Variants in CEP83 observed in about 807,000 individuals in gnomAD.
CEP83 encodes the protein centrosomal protein of 83 kDa.
CEP83 carries 70 observed loss-of-function variants against 101.9 expected under a neutral mutation model. The ratio of observed to expected loss-of-function variants is 0.69; its 90% CI spans 0.57 to 0.84. CEP83 has a LOEUF of 0.84. CEP83 is among the 40% of genes least tolerant of loss of function. The pLI, the probability that CEP83 is intolerant of heterozygous loss-of-function variation, is 0.00. For synonymous variants in CEP83, 264 were observed against 267.9 expected (o/e 0.99, Z 0.14); for missense variants, 715 against 787.2 (o/e 0.91, Z 1.10).
intron 1 of CEP83, among the ~76,000 whole-genome samples, chr12:94,455,305 A>T (rs1031596960): frequency 6.6e-6 from 1 of 152,228 alleles, no homozygotes; most frequent in African/African-American, 2.4e-5. Flanking sequence ...GAATATGAAC[A>T]TCAGAGATAG....
At chr12:94,446,414 T>C (rs1270911255) in intron 1 of CEP83, among the ~76,000 whole-genome samples, 1 of 152,140 alleles carries the variant, frequency 6.6e-6, no homozygotes, top group Admixed American at 6.5e-5. Context: ...AACCTATCAA[T>C]AATGTTAAGT....
At chr12:94,373,960 G>T (rs1023127410) in intron 8 of CEP83, among the ~76,000 whole-genome samples, 2 of 152,162 alleles carry the variant, frequency 1.3e-5, no homozygotes, top group South Asian at 2.1e-4. Context: ...ATGAAACTTG[G>T]TTTGTTTAAA....
At chr12:94,266,484 C>T in the CEP83 span, among the ~76,000 whole-genome samples, 2 of 152,352 alleles carry the variant, frequency 1.3e-5, no homozygotes, top group East Asian at 1.9e-4. Context: ...AAACACCAGT[C>T]GCTAGGCAGC....
chr12:94,440,514 C>CAA (rs112658393), intron 1 of CEP83, among the ~76,000 whole-genome samples: 1 of 137,942 alleles, frequency 7.2e-6, no homozygotes, highest in African/African-American at 2.7e-5. Context: ...AGGAAAACTA[C>CAA]AAAAAAAAAA....
In CEP83 at chr12:94,308,824, A is replaced by C. The variant is rs1414227724; in HGVS notation, c.2095T>G (p.Ser699Ala). The C allele has an allele frequency of 6.2e-7, 1 of 1,608,440 alleles. No individual in the cohort carries two copies. Among genetic ancestry groups the C allele is most frequent in the Admixed American group, 1.7e-5 (1 of 59,938 alleles). Residue 699 changes from serine (S) to alanine (A), a missense_variant, in exon 17 of 17, where the codon TCC becomes GCC. Physicochemically the swap from Ser to Ala is moderately conservative, Grantham distance 99. Transcript: ENST00000397809. Reference sequence around the variant, plus strand: ...GTTCTCCAAGAACATCATTCTCCGGAAGATCCAAGTTCCTCTAGTTGTTTT... The same window carrying C: ...GTTCTCCAAGAACATCATTCTCCGGCAGATCCAAGTTCCTCTAGTTGTTTT... ...QRKQLEELGS[S>A]GE
chr12:94,294,618 T>C, the CEP83 span: 1 of 672,912 alleles, frequency 1.5e-6, no homozygotes, highest in Admixed American at 2.5e-5. Flanking sequence ...CTCAGCTGTA[T>C]TGTCACAAAG....
intron 14 of CEP83, 46 bp from the exon 15 acceptor site, chr12:94,313,063 T>C: frequency 2.4e-6 from 2 of 841,456 alleles, no homozygotes; most frequent in Non-Finnish European, 3.8e-6. Context: ...TAATCTCTTA[T>C]TTGAACAAAA....
chr12:94,308,945 A>C, intron 16 of CEP83, 28 bp from the exon 17 acceptor site: 1 of 1,505,122 alleles, frequency 6.6e-7, no homozygotes, highest in Non-Finnish European at 9.2e-7. Flanking sequence ...AAAGCATAGC[A>C]AAAGAAACTA....
At chr12:94,407,494 C>T (rs2063615338) in intron 4 of CEP83, among the ~76,000 whole-genome samples, 1 of 152,170 alleles carries the variant, frequency 6.6e-6, no homozygotes. Flanking sequence ...ATCACAGATG[C>T]CTCTTGGAAA....
At chr12:94,444,567 C>T (rs1027530222) in intron 1 of CEP83, among the ~76,000 whole-genome samples, 1 of 152,050 alleles carries the variant, frequency 6.6e-6, no homozygotes, top group Non-Finnish European at 1.5e-5. Context: ...GTTCAAGAAT[C>T]TTCTTTTATT....
intron 2 of CEP83, among the ~76,000 whole-genome samples, chr12:94,431,323 C>T (rs2065605853): frequency 6.6e-6 from 1 of 152,030 alleles, no homozygotes; most frequent in African/African-American, 2.4e-5. Context: ...AACGTAAGAC[C>T]CAAGACTATA....
intron 11 of CEP83, among the ~76,000 whole-genome samples, chr12:94,354,534 C>A (rs2060353541): frequency 6.6e-6 from 1 of 151,988 alleles, no homozygotes; most frequent in African/African-American, 2.4e-5. Flanking sequence ...ACAGGACAGA[C>A]CATATGTTAG....
rs2061504410 is a variant in CEP83, at chr12:94,375,821, T to C, written c.933+65A>G. On this transcript the variant is annotated intron_variant, in intron 8 of 16. Coordinates refer to ENST00000397809, the MANE Select transcript of CEP83 (RefSeq NM_016122.3). ...GTATAAAGAAATCAATTATTAAAAA[T>C]AAAATTTATCATTATATACTAACAA... The C allele has an allele frequency of 4.5e-6, 4 of 888,932 alleles. No individual in the cohort carries two copies. In the South Asian group the frequency reaches 9.3e-5, roughly 21 times the overall value. The allele number at this position is 888,932 out of a possible 1,614,324, so 55.1% of individuals were successfully genotyped here.
chr12:94,318,289 C>G (rs1164905288), intron 14 of CEP83, among the ~76,000 whole-genome samples: 1 of 152,116 alleles, frequency 6.6e-6, no homozygotes, highest in Non-Finnish European at 1.5e-5. Context: ...CTAAAGTTAT[C>G]AGCTGAAGGA....
intron 11 of CEP83, among the ~76,000 whole-genome samples, chr12:94,362,362 A>G (rs538485079): frequency 2.6e-4 from 39 of 152,306 alleles, no homozygotes; most frequent in African/African-American, 7.7e-4. Flanking sequence ...GCTCACGCTT[A>G]TAATCTCAGT....
At position 94,376,750 on chromosome 12, in the gene CEP83, T is replaced by A. The variant is rs1050049756; in HGVS notation, c.802-733A>T. On this transcript the variant is annotated intron_variant, in intron 7 of 16. Coordinates refer to ENST00000397809, the MANE Select transcript of CEP83 (RefSeq NM_016122.3). ...ACACACACATATATATATATATATT[T>A]TTTTTTTGAGACAAGGTCTTGCTCT... Among the ~76,000 whole-genome samples the A allele has an allele frequency of 1.1e-3, 165 of 145,378 alleles. No homozygotes were observed. In the East Asian group the frequency reaches 0.02, roughly 18 times the overall value.
chr12:94,356,263 CT>C (rs1293607381), intron 11 of CEP83, among the ~76,000 whole-genome samples: 1 of 152,172 alleles, frequency 6.6e-6, no homozygotes, highest in Non-Finnish European at 1.5e-5. Context: ...CATCTTAGAA[CT>C]TTTTCACACT....
chr12:94,305,404 C>T (rs1297296170), downstream of CEP83: 16 of 639,448 alleles, frequency 2.5e-5, no homozygotes, highest in Non-Finnish European at 3.9e-5. Context: ...ACTTTGGGCA[C>T]TGTCTTTTTA....
intron 2 of CEP83, among the ~76,000 whole-genome samples, chr12:94,417,634 CA>C (rs1405936454): frequency 6.6e-5 from 10 of 151,932 alleles, no homozygotes; most frequent in African/African-American, 2.4e-4. Context: ...ACTAAAAATA[CA>C]AAAATTAGCA....
Sources: allele counts gnomAD v4.1 joint callset (sites outside exome capture counted in the v4.1 genomes callset), GRCh38; gene constraint gnomAD v4.1.1; transcripts MANE v1.5; gene names NCBI Gene and HGNC (gene_info 2026-07-23, HGNC 2026-07-21).